Variants in HDAC8 observed in about 807,000 individuals in gnomAD.
HDAC8 encodes histone deacetylase 8, also known as histone deacetylase-like 1.
HDAC8 carries 1 observed loss-of-function variant against 32.2 expected under a neutral mutation model. The observed-to-expected ratio is 0.03, with a 90% confidence interval of 0.01 to 0.15. HDAC8 has a LOEUF of 0.15. Ranked by LOEUF, HDAC8 falls within the 10% of genes least tolerant of loss-of-function variation. The pLI, the probability that HDAC8 is intolerant of heterozygous loss-of-function variation, is 1.00. For synonymous variants in HDAC8, 108 were observed against 113.9 expected, an observed-to-expected ratio of 0.95 and a Z score of 0.33; for missense variants, 117 against 300.0, an observed-to-expected ratio of 0.39 and a Z score of 4.51.
intron 9 of HDAC8, among the ~76,000 whole-genome samples, chrX:72,394,877 C>T (rs1242289537): frequency 1.8e-5 from 2 of 111,509 alleles, no homozygotes; most frequent in Non-Finnish European, 3.8e-5. Flanking sequence ...TCCTCTTGTC[C>T]TTGATTATTT....
chrX:72,532,972 T>C (rs1323876743), intron 4 of HDAC8, among the ~76,000 whole-genome samples: 1 of 112,024 alleles, frequency 8.9e-6, no homozygotes, highest in Non-Finnish European at 1.9e-5. Flanking sequence ...CTAAATTGTC[T>C]TCAAAGAGTT....
intron 9 of HDAC8, among the ~76,000 whole-genome samples, chrX:72,361,387 T>TATA (rs1317020917): frequency 9.0e-6 from 1 of 111,723 alleles, no homozygotes; most frequent in Non-Finnish European, 1.9e-5. Flanking sequence ...CACTAATTAT[T>TATA]ATAATTATTA....
At chrX:72,414,366 A>G (rs1255992081) in intron 9 of HDAC8, among the ~76,000 whole-genome samples, 1 of 111,889 alleles carries the variant, frequency 8.9e-6, no homozygotes, top group African/African-American at 3.3e-5. Context: ...CTCAAAGGAA[A>G]TAAGTGTAGT....
rs1193058690 is a variant in HDAC8, at chrX:72,481,176, G to A, written c.737+7757C>T. Among the ~76,000 whole-genome samples the A allele has an allele frequency of 5.4e-5, 6 of 111,175 alleles. No homozygotes were observed. In the South Asian group the frequency reaches 1.2e-3, roughly 22 times the overall value. On this transcript the variant is annotated intron_variant, in intron 7 of 10. Coordinates refer to ENST00000373573, the MANE Select transcript of HDAC8 (RefSeq NM_018486.3). ...GCAAAGATGTCCTTCTTCACATGGC[G>A]GCAGGAGGAAGGGCAGAGTGAAGGG...
In HDAC8 at chrX:72,495,955, A is replaced by G. The variant is rs2049008056; in HGVS notation, c.438-687T>C. 4.5e-5 allele frequency among the ~76,000 whole-genome samples: 5 copies of G among 111,882 alleles called. No homozygotes were observed. The Admixed American group carries it at 4.7e-4, about 11-fold the overall frequency. On this transcript the variant is annotated intron_variant, in intron 4 of 10. Coordinates refer to ENST00000373573, the MANE Select transcript of HDAC8 (RefSeq NM_018486.3). ...ACTGGTGTCCTTTAACTTTTGTGCT[A>G]TCAGTGATAATGCGTCACTTTAACC... is the stretch of plus-strand genomic sequence containing the variant.
At chrX:72,363,253 A>C (rs2044603193) in intron 9 of HDAC8, among the ~76,000 whole-genome samples, 1 of 112,404 alleles carries the variant, frequency 8.9e-6, no homozygotes, top group Admixed American at 9.4e-5. Flanking sequence ...GTCTCTGTTA[A>C]TCAAATGAAT....
At chrX:72,348,691 C>G (rs2044094584) in intron 10 of HDAC8, among the ~76,000 whole-genome samples, 1 of 111,840 alleles carries the variant, frequency 8.9e-6, no homozygotes, top group African/African-American at 3.3e-5. Flanking sequence ...TCTGTAGCCA[C>G]TCCACTTGCT....
intron 9 of HDAC8, among the ~76,000 whole-genome samples, chrX:72,368,587 C>T (rs2044772733): frequency 9.0e-6 from 1 of 111,620 alleles, no homozygotes; most frequent in South Asian, 3.8e-4. Flanking sequence ...GATCTCCTGA[C>T]CTTGTGATCT....
rs2047033606 is a variant in HDAC8, at chrX:72,438,878, G to T, written c.1005+23126C>A. ...GTGACAGGGAGAATGGAACCAAGTT[G>T]GAAAACACTTTTCAGGATATTATCC... On this transcript the variant is annotated intron_variant, in intron 9 of 10. Coordinates refer to ENST00000373573, the MANE Select transcript of HDAC8 (RefSeq NM_018486.3). 2.7e-5 allele frequency among the ~76,000 whole-genome samples: 3 copies of T among 111,850 alleles called. No individual in the cohort carries two copies. The Admixed American group carries it at 2.8e-4, about 11-fold the overall frequency.
At chrX:72,569,214 C>T (rs1556144364) in intron 2 of HDAC8, among the ~76,000 whole-genome samples, 1 of 112,274 alleles carries the variant, frequency 8.9e-6, no homozygotes, top group Non-Finnish European at 1.9e-5. Context: ...TCAGGACAAA[C>T]TAGTAGGCAG....
intron 9 of HDAC8, among the ~76,000 whole-genome samples, chrX:72,412,002 A>G (rs782251258): frequency 3.3e-4 from 37 of 112,393 alleles, no homozygotes; most frequent in African/African-American, 1.2e-3. Flanking sequence ...TGTACAAATG[A>G]TAATAAAAGA....
chrX:72,549,035 C>G (rs1569394958), intron 4 of HDAC8, among the ~76,000 whole-genome samples: 1 of 111,792 alleles, frequency 8.9e-6, no homozygotes, highest in East Asian at 2.8e-4. Flanking sequence ...TGTAAACCAT[C>G]ATAAAATATA....
chrX:72,442,674 CA>C (rs1289815328), intron 9 of HDAC8, among the ~76,000 whole-genome samples: 5 of 111,594 alleles, frequency 4.5e-5, no homozygotes, highest in Non-Finnish European at 9.4e-5. Context: ...GGATCAAATT[CA>C]CACATAACAA....
At chrX:72,401,470 C>T (rs1555967328) in intron 9 of HDAC8, among the ~76,000 whole-genome samples, 1 of 111,951 alleles carries the variant, frequency 8.9e-6, no homozygotes, top group African/African-American at 3.2e-5. Flanking sequence ...CTCAAGTGAT[C>T]TGCTGCTTTG....
chrX:72,571,126 G>T (rs2052025275), intron 2 of HDAC8, among the ~76,000 whole-genome samples: 1 of 110,171 alleles, frequency 9.1e-6, no homozygotes, highest in Non-Finnish European at 1.9e-5. Flanking sequence ...GGGTTTCACC[G>T]TGTTAGCCAG....
chrX:72,372,793 G>A (rs1478249194), intron 9 of HDAC8, among the ~76,000 whole-genome samples: 7 of 111,658 alleles, frequency 6.3e-5, no homozygotes, highest in African/African-American at 2.3e-4. Flanking sequence ...TCTGGAAAAT[G>A]AGGATGATAA....
At chrX:72,447,467 C>T (rs782027955) in intron 9 of HDAC8, among the ~76,000 whole-genome samples, 2 of 111,679 alleles carry the variant, frequency 1.8e-5, no homozygotes, top group South Asian at 7.5e-4. Flanking sequence ...TATGACAAAC[C>T]GACAGCCAAT....
chrX:72,440,915 C>T (rs782346532), intron 9 of HDAC8, among the ~76,000 whole-genome samples: 8 of 112,612 alleles, frequency 7.1e-5, no homozygotes, highest in African/African-American at 1.3e-4. Context: ...CCTACGCCCA[C>T]GGAGTCTTGC....
At chrX:72,421,216 T>C (rs947160411) in intron 9 of HDAC8, among the ~76,000 whole-genome samples, 3 of 111,783 alleles carry the variant, frequency 2.7e-5, no homozygotes, top group African/African-American at 9.8e-5. Context: ...TTTTTTTTAA[T>C]TTTTAAAATG....
Sources: gnomAD v4.1 joint callset for allele counts (sites outside exome capture counted in the v4.1 genomes callset) on GRCh38, gnomAD v4.1.1 for gene constraint, MANE v1.5 for transcripts, NCBI Gene and HGNC (gene_info 2026-07-23, HGNC 2026-07-21) for gene names.